DHRS12: variants seen among roughly 807,000 people sequenced by gnomAD.
The protein encoded by DHRS12 is dehydrogenase/reductase SDR family member 12.
DHRS12 carries 29 observed loss-of-function variants against 32.1 expected under a neutral mutation model. The observed-to-expected ratio is 0.90, with a 90% CI of 0.67 to 1.23. The LOEUF is 1.23. Ranked by LOEUF, DHRS12 falls within the 50% of genes most tolerant of loss-of-function variation. The probability of loss-of-function intolerance (pLI) is 0.00; values close to 1 mark genes in which losing one functional copy is unlikely to be tolerated. For synonymous variants in DHRS12, 150 were observed against 135.9 expected (o/e 1.10, Z -0.72); for missense variants, 330 against 337.2 (o/e 0.98, Z 0.17).
At chr13:51,778,626 G>GGC (rs1192027497) in intron 4 of DHRS12, among the ~76,000 whole-genome samples, 1 of 152,106 alleles carries the variant, frequency 6.6e-6, no homozygotes, top group Non-Finnish European at 1.5e-5. Flanking sequence ...GAAAGCCAGC[G>GGC]GCTGGGCTGG....
At chr13:51,777,990 G>C (rs1954522066) in intron 4 of DHRS12, among the ~76,000 whole-genome samples, 1 of 152,228 alleles carries the variant, frequency 6.6e-6, no homozygotes, top group African/African-American at 2.4e-5. Flanking sequence ...GCTCTTTCCT[G>C]GGCTATGCCA....
chr13:51,756,715 T>C, the DHRS12 span: 232 of 900,286 alleles, frequency 2.6e-4, no homozygotes, highest in African/African-American at 3.9e-3. Context: ...GCCTTTAAAT[T>C]AGCTGCTCCC....
At chr13:51,758,286 G>A in the DHRS12 span, 7 of 1,591,562 alleles carry the variant, frequency 4.4e-6, no homozygotes, top group Non-Finnish European at 6.0e-6. Context: ...TTCTGGAACT[G>A]ACAAGGTTAT....
chr13:51,771,478 G>GCTC, intron 7 of DHRS12: 1 of 1,614,132 alleles, frequency 6.2e-7, no homozygotes, highest in Non-Finnish European at 8.5e-7. Context: ...ACCTTCCTCA[G>GCTC]CTCCTGCTCA....
downstream of DHRS12, chr13:51,765,681 C>T (rs1056051551): frequency 3.9e-5 from 6 of 152,176 alleles, no homozygotes; most frequent in African/African-American, 1.4e-4. Context: ...TGTTGTCTTC[C>T]ATCATATCAA....
chr13:51,761,956 G>T, the DHRS12 span: 6 of 152,230 alleles, frequency 3.9e-5, no homozygotes, highest in Admixed American at 1.3e-4. Context: ...CAAAACTGTT[G>T]TAACTACTTT....
chr13:51,776,769 CCCA>C (rs1004160698), intron 5 of DHRS12, among the ~76,000 whole-genome samples: 1 of 152,146 alleles, frequency 6.6e-6, no homozygotes, highest in African/African-American at 2.4e-5. Flanking sequence ...ACCTGAGCAC[CCCA>C]CAAGCCGCCC....
rs750983081 is a variant in DHRS12 at position 51,790,030 on chromosome 13, GT to G, written c.281del (p.Asn94ThrfsTer16). ...ACTTACCCAGAGTATTGGCAGCAAA[GT>G]TTTTTTCAAGTCCATCTTCTGTGAG... ...RELTEDGLEK[N>X]FAANTLGVYI... On this transcript the variant is annotated frameshift_variant, in exon 4 of 9. Coordinates refer to ENST00000444610, the MANE Select transcript of DHRS12 (RefSeq NM_001377533.1). LOFTEE classifies it high-confidence loss of function. 8.1e-6 allele frequency: 13 copies of G among 1,603,234 alleles called. No homozygotes were observed. The highest frequency in any genetic ancestry group is 8.1e-5 in the African/African-American group (6 of 74,000).
chr13:51,767,928 A>C, downstream of DHRS12: 1 of 1,230,206 alleles, frequency 8.1e-7, no homozygotes, highest in African/African-American at 1.5e-5. Context: ...TCAAACTTCG[A>C]ATTCTTTAGA....
At chr13:51,775,840 C>G (rs1244242705) in intron 5 of DHRS12, 4 of 80,250 alleles carry the variant, frequency 5.0e-5, no homozygotes, top group African/African-American at 3.0e-4. Flanking sequence ...ATGTATTCTC[C>G]TACAGTATTC....
intron 2 of DHRS12, among the ~76,000 whole-genome samples, chr13:51,798,691 T>A (rs79638441): frequency 6.6e-6 from 1 of 151,922 alleles, no homozygotes; most frequent in South Asian, 2.1e-4. Context: ...AATGATATAA[T>A]AGTCCCCTGA....
downstream of DHRS12, chr13:51,763,278 G>C (rs527822260): frequency 6.6e-6 from 1 of 152,308 alleles, no homozygotes; most frequent in South Asian, 2.1e-4. Flanking sequence ...CTTATCGAAA[G>C]CATATATGAC....
chr13:51,786,111 C>T (rs945371314), intron 4 of DHRS12, among the ~76,000 whole-genome samples: 1 of 152,182 alleles, frequency 6.6e-6, no homozygotes, highest in Non-Finnish European at 1.5e-5. Flanking sequence ...GAATGTCAAG[C>T]GACAACACTC....
the DHRS12 span, chr13:51,758,118 T>TA: frequency 8.1e-7 from 1 of 1,238,140 alleles, no homozygotes; most frequent in Non-Finnish European, 1.1e-6. Flanking sequence ...ATTTAGAGCC[T>TA]AATGTCATCC....
At chr13:51,756,288 C>G in the DHRS12 span, 2 of 1,580,058 alleles carry the variant, frequency 1.3e-6, no homozygotes, top group Non-Finnish European at 1.7e-6. Flanking sequence ...GCCTCAGGAG[C>G]TGAGGGAGCC....
At chr13:51,756,463 G>C in the DHRS12 span, 1 of 1,613,338 alleles carries the variant, frequency 6.2e-7, no homozygotes, top group South Asian at 1.1e-5. Context: ...CAGATGAAGA[G>C]TAAGTTCCTG....
chr13:51,757,152 AATC>A, the DHRS12 span, among the ~76,000 whole-genome samples: 1 of 152,192 alleles, frequency 6.6e-6, no homozygotes, highest in South Asian at 2.1e-4. Flanking sequence ...ATTACAGTAA[AATC>A]ATAAGTAGTC....
At chr13:51,763,755 A>G (rs1423772257), downstream of DHRS12, 2 of 152,234 alleles carry the variant, frequency 1.3e-5, no homozygotes, top group Non-Finnish European at 1.5e-5. Context: ...CTATGATTGC[A>G]CTACTGCAGT....
intron 1 of DHRS12, among the ~76,000 whole-genome samples, chr13:51,801,211 G>C (rs1287409743): frequency 6.6e-6 from 1 of 152,192 alleles, no homozygotes; most frequent in Non-Finnish European, 1.5e-5. Context: ...TTTTGAGACA[G>C]AGTCCCACCC....
Sources: allele counts gnomAD v4.1 joint callset (sites outside exome capture counted in the v4.1 genomes callset), GRCh38; gene constraint gnomAD v4.1.1; transcripts MANE v1.5; gene names NCBI Gene and HGNC (gene_info 2026-07-23, HGNC 2026-07-21).